The following AKAP11 variants were observed in gnomAD, a reference collection of about 807,000 sequenced individuals.
AKAP11 encodes the protein A-kinase anchor protein 11.
AKAP11 carries 36 observed loss-of-function variants against 146.1 expected under a neutral mutation model. That is an observed-to-expected ratio of 0.25 (90% confidence interval 0.19 to 0.33). AKAP11 has a LOEUF of 0.33. Ranked by LOEUF, AKAP11 falls within the 10% of genes least tolerant of loss-of-function variation. AKAP11 has a pLI of 1.00. For synonymous variants in AKAP11, 780 were observed against 786.5 expected (o/e 0.99, Z 0.14); for missense variants, 2,201 against 2,197.0 (o/e 1.00, Z -0.04).
chr13:42,300,209 A>C lies in AKAP11; in HGVS notation c.1463A>C (p.Tyr488Ser). The C allele has an allele frequency of 6.2e-7, 1 of 1,614,016 alleles. No homozygotes were observed. Among genetic ancestry groups the C allele is most frequent in the Middle Eastern group, 1.7e-4 (1 of 6,060 alleles). The change falls in exon 8 of 13, where the codon TAT becomes TCT. Residue 488 changes from tyrosine to serine, a missense_variant. This residue lies in a region of AKAP11 where 1,867 missense variants were observed against 1,833.5 expected (regional missense o/e 1.02). Transcript: ENST00000025301. Reference protein sequence around the residue: ...HENHDSVYYTYEDYAKSISCE... With the variant: ...HENHDSVYYTSEDYAKSISCE... ...AATCATGATTCTGTTTATTACACCT[A>C]TGAAGACTATGCAAAAAGCATTTCA...
In AKAP11 at chr13:42,301,240, T is replaced by A. The variant is rs1195108567; in HGVS notation, c.2494T>A (p.Cys832Ser). ...AAAAAACAGAGAAGAAAAAGCAGCT[T>A]GTCTCAGAAATATTTGTTTACCTTC... is the stretch of plus-strand genomic sequence containing the variant. ...ATKNREEKAA[C>S]LRNICLPSEH... Residue 832 changes from cysteine to serine, a missense_variant, in exon 8 of 13, where the codon TGT (cysteine) becomes AGT (serine). Transcript: ENST00000025301. 2 of 1,613,954 alleles carry A rather than the reference T, an allele frequency of 1.2e-6. No individual in the cohort carries two copies. The highest frequency in any genetic ancestry group is 2.2e-5 in the South Asian group (2 of 91,068).
At chr13:42,273,764 T>A (rs1958841447) in intron 1 of AKAP11, among the ~76,000 whole-genome samples, 1 of 152,220 alleles carries the variant, frequency 6.6e-6, no homozygotes, top group African/African-American at 2.4e-5. Flanking sequence ...CTTTTGCCTT[T>A]AGAGGCTGGA....
At chr13:42,275,285 G>A (rs1372617902) in intron 1 of AKAP11, among the ~76,000 whole-genome samples, 1 of 152,196 alleles carries the variant, frequency 6.6e-6, no homozygotes, top group Non-Finnish European at 1.5e-5. Flanking sequence ...TGAGACTTTG[G>A]TTTGCCATGA....
At chr13:42,295,894 T>G (rs1959484476) in intron 5 of AKAP11, 152 bp downstream of exon 5, 2 of 638,270 alleles carry the variant, frequency 3.1e-6, no homozygotes, top group Middle Eastern at 3.0e-4. Context: ...GACTTGTTTG[T>G]TTATTTTGAT....
intron 8 of AKAP11, among the ~76,000 whole-genome samples, chr13:42,304,524 A>T (rs188675554): frequency 3.8e-4 from 58 of 152,302 alleles, no homozygotes; most frequent in African/African-American, 1.3e-3. Flanking sequence ...AATGTAGAAT[A>T]TTACTATATT....
intron 12 of AKAP11, among the ~76,000 whole-genome samples, 199 bp downstream of exon 12, chr13:42,317,887 A>G (rs1305757936): frequency 6.6e-6 from 1 of 152,158 alleles, no homozygotes; most frequent in Non-Finnish European, 1.5e-5. Context: ...CATTGCCCCT[A>G]ACTGCACTAT....
rs148104976 is a variant in AKAP11 at position 42,319,197 on chromosome 13, C to T, written c.5675C>T (p.Ser1892Leu). ...EKASSEERCK[S>L]LFDWLLENA is the part of the protein sequence containing the mutation. ...GCTTCCAGTGAGGAGAGATGCAAGT[C>T]GCTGTTTGATTGGCTCTTGGAAAAT... The change falls in exon 13 of 13, where the codon TCG (serine) becomes TTG (leucine). Residue 1892 changes from serine (S) to leucine (L), a missense_variant. Ser to Leu is a moderately radical substitution (Grantham distance 145). This residue lies in a region of AKAP11 where 1,867 missense variants were observed against 1,833.5 expected (regional missense o/e 1.02). Transcript: ENST00000025301. The T allele has an allele frequency of 2.6e-5, 42 of 1,613,730 alleles. No individual in the cohort carries two copies. The African/African-American group carries it at 3.2e-4, about 12-fold the overall frequency.
chr13:42,273,934 T>C (rs1958848089), intron 1 of AKAP11, among the ~76,000 whole-genome samples: 1 of 152,216 alleles, frequency 6.6e-6, no homozygotes, highest in East Asian at 1.9e-4. Context: ...GACAAAAATG[T>C]GAAAGACTTA....
chr13:42,293,988 CTTAAGTTT>C (rs1430206364), intron 4 of AKAP11, among the ~76,000 whole-genome samples: 1 of 152,094 alleles, frequency 6.6e-6, no homozygotes, highest in Admixed American at 6.5e-5. Context: ...GTTGTATTGC[CTTAAGTTT>C]TACAGATAAG....
chr13:42,303,986 C>A, intron 8 of AKAP11, 123 bp downstream of exon 8: 1 of 1,249,898 alleles, frequency 8.0e-7, no homozygotes, highest in Non-Finnish European at 1.1e-6. Flanking sequence ...AAAAGTTTTC[C>A]CTGTTGCATT....
At chr13:42,314,529 A>G (rs895073297) in intron 11 of AKAP11, among the ~76,000 whole-genome samples, 2 of 152,036 alleles carry the variant, frequency 1.3e-5, no homozygotes, top group Non-Finnish European at 2.9e-5. Context: ...GTCTCTCTAC[A>G]TAATTATTTT....
intron 3 of AKAP11, among the ~76,000 whole-genome samples, chr13:42,291,648 T>A (rs980717439): frequency 1.3e-4 from 20 of 152,156 alleles, no homozygotes; most frequent in Admixed American, 1.3e-4. Flanking sequence ...TGGAAAAATC[T>A]TCACAGGTCT....
rs41288309 is a variant in AKAP11, at chr13:42,301,547, A to G, written c.2801A>G (p.Asn934Ser). 0.01 allele frequency: 16,576 copies of G among 1,614,134 alleles called. 162 individuals carry two copies. Among genetic ancestry groups the G allele is most frequent in the South Asian group, 0.035 (3,221 of 91,080 alleles). The part of the protein sequence containing the change: ...AVLQCSEASS[N>S]KDMFADRLSK... ...CTGCAATGCAGTGAAGCTAGTAGCAATAAGGACATGTTTGCTGACCGGTTA... is the reference window on the plus strand; with the variant it reads ...CTGCAATGCAGTGAAGCTAGTAGCAGTAAGGACATGTTTGCTGACCGGTTA... Residue 934 changes from asparagine (N) to serine (S), a missense_variant, in exon 8 of 13, where the codon AAT becomes AGT. Physicochemically the swap from Asn to Ser is conservative, Grantham distance 46 (BLOSUM62 1). Coordinates refer to ENST00000025301, the MANE Select transcript of AKAP11 (RefSeq NM_016248.4).
chr13:42,322,963 A>C lies in AKAP11; in HGVS notation c.*3735A>C, dbSNP rs896226934. The C allele has an allele frequency of 1.3e-5, 2 of 152,756 alleles. No individual in the cohort carries two copies. The highest frequency in any genetic ancestry group is 2.9e-5 in the Non-Finnish European group (2 of 68,026). The allele number at this position is 152,756 out of a possible 1,614,324, so 9.5% of individuals were successfully genotyped here. On this transcript the variant is annotated 3_prime_UTR_variant, in exon 13 of 13. Coordinates refer to ENST00000025301, the MANE Select transcript of AKAP11 (RefSeq NM_016248.4). ...TCCACTTTCTTGTTTAATATACCAG[A>C]TACATAGCAAAAGCAGCTTGGAATA...
chr13:42,307,246 A>T (rs1960308256), intron 8 of AKAP11, among the ~76,000 whole-genome samples: 1 of 152,210 alleles, frequency 6.6e-6, no homozygotes, highest in Non-Finnish European at 1.5e-5. Flanking sequence ...ATAGCTGAAA[A>T]AATGGGGGGC....
At chr13:42,286,442 TA>T in intron 3 of AKAP11, 43 bp downstream of exon 3, 1 of 1,479,298 alleles carries the variant, frequency 6.8e-7, no homozygotes, top group Non-Finnish European at 9.2e-7. Flanking sequence ...AAGTTTTAAT[TA>T]AAATGTTGAT....
At chr13:42,305,346 G>A (rs945808117) in intron 8 of AKAP11, among the ~76,000 whole-genome samples, 2 of 152,114 alleles carry the variant, frequency 1.3e-5, no homozygotes, top group African/African-American at 2.4e-5. Context: ...GCTCCATAGC[G>A]TCTACTTGAG....
At chr13:42,313,242 C>T in intron 10 of AKAP11, 112 bp downstream of exon 10, 1 of 719,174 alleles carries the variant, frequency 1.4e-6, no homozygotes, top group East Asian at 2.9e-5. Flanking sequence ...ACCTGCTTTT[C>T]TCCTATATTT....
rs1960075997 is a variant in AKAP11 at position 42,303,477 on chromosome 13, A to G, written c.4731A>G (p.Glu1577=). 1 of 1,614,210 alleles carries G rather than the reference A, an allele frequency of 6.2e-7. No individual in the cohort carries two copies. Among genetic ancestry groups the G allele is most frequent in the Non-Finnish European group, 8.5e-7 (1 of 1,180,022 alleles). The change falls in exon 8 of 13, where the codon GAA becomes GAG. Residue 1577 remains glutamate, a synonymous_variant. Coordinates refer to ENST00000025301, the MANE Select transcript of AKAP11 (RefSeq NM_016248.4). ...TKSADRVTYA[E]KLSPLTGQAC... Reference sequence around the variant, plus strand: ...CAGCAGACAGGGTCACTTATGCAGAAAAGTTGTCACCTCTTACAGGTCAAG... The same window carrying G: ...CAGCAGACAGGGTCACTTATGCAGAGAAGTTGTCACCTCTTACAGGTCAAG...
Sources: gnomAD v4.1 joint callset for allele counts (sites outside exome capture counted in the v4.1 genomes callset) on GRCh38, gnomAD v4.1.1 for gene constraint, gnomAD v4.1.1 regional missense constraint, MANE v1.5 for transcripts, NCBI Gene and HGNC (gene_info 2026-07-23, HGNC 2026-07-21) for gene names.